CEP44: variants seen among roughly 807,000 people sequenced by gnomAD.
The protein encoded by CEP44 is centrosomal protein of 44 kDa.
Under a neutral mutation model 46.7 loss-of-function variants are expected in CEP44, and 45 were observed. The ratio of observed to expected loss-of-function variants is 0.96; its 90% confidence interval spans 0.76 to 1.24. The LOEUF (loss-of-function observed/expected upper bound fraction) is 1.24, where lower values mean the gene tolerates loss of function less well. Ranked by LOEUF, CEP44 falls within the 50% of genes most tolerant of loss-of-function variation. CEP44 has a pLI of 0.00. For missense variants in CEP44, 475 were observed against 459.7 expected (o/e 1.03, Z -0.30); for synonymous variants, 142 against 146.0 (o/e 0.97, Z 0.20).
Position 174,304,280 on chromosome 4 carries a change from G to C in CEP44, c.418G>C (p.Gly140Arg). ...ACAACAAAGAAAGAAAATCAGTTCTGGTAAGTCAGAACCTCCTTTGGGCAA... is the reference window on the plus strand; with the variant it reads ...ACAACAAAGAAAGAAAATCAGTTCTCGTAAGTCAGAACCTCCTTTGGGCAA... ...PSQQRKKISS[G>R]KSEPPLGNEK... is the part of the protein sequence containing the mutation. The change falls in exon 6 of 12, where the codon GGT (glycine) becomes CGT (arginine). Residue 140 changes from glycine to arginine, a missense_variant. Transcript: ENST00000503780. 6.2e-7 allele frequency: 1 copy of C among 1,605,640 alleles called. No homozygotes were observed. The highest frequency in any genetic ancestry group is 8.5e-7 in the Non-Finnish European group (1 of 1,177,742).
chr4:174,304,384 A>G lies in CEP44; in HGVS notation c.507+15A>G. On this transcript the variant is annotated intron_variant, in intron 6 of 11. Coordinates refer to ENST00000503780, the MANE Select transcript of CEP44 (RefSeq NM_001040157.3). ...CCTCAGGAAAGGTATGCAACCACAA[A>G]GAAAATATCATATTGTTTAAGAGTT... 1.2e-6 allele frequency: 2 copies of G among 1,602,138 alleles called. No individual in the cohort carries two copies. The highest frequency in any genetic ancestry group is 1.7e-6 in the Non-Finnish European group (2 of 1,176,974).
rs1042018663 is a variant in CEP44 at position 174,311,240 on chromosome 4, G to A, written c.961+382G>A. Among the ~76,000 whole-genome samples the A allele has an allele frequency of 4.6e-5, 7 of 151,968 alleles. No homozygotes were observed. Among genetic ancestry groups the A allele is most frequent in the African/African-American group, 1.7e-4 (7 of 41,420 alleles). ...GTAAGAGAAGAAAACACATTTGTCA[G>A]TATCTATAAAGTATTGCAAACTTCT... On this transcript the variant is annotated intron_variant, in intron 9 of 11. Transcript: ENST00000503780. The surrounding 1 kb of genome is among the most constrained non-coding windows in gnomAD (Gnocchi z 4.4).
At chr4:174,324,251 C>A (rs779857081), downstream of CEP44, among the ~76,000 whole-genome samples, 4 of 152,038 alleles carry the variant, frequency 2.6e-5, no homozygotes, top group Non-Finnish European at 5.9e-5. Context: ...TTTATATGGC[C>A]AATGAATATT....
intron 4 of CEP44, 30 bp downstream of exon 4, chr4:174,302,216 T>A: frequency 7.0e-7 from 1 of 1,426,292 alleles, no homozygotes; most frequent in Non-Finnish European, 9.7e-7. Context: ...CAATAACTAT[T>A]AGTTATTGAA....
intron 2 of CEP44, among the ~76,000 whole-genome samples, chr4:174,298,839 G>A (rs983830144): frequency 5.9e-5 from 9 of 152,098 alleles, no homozygotes; most frequent in African/African-American, 1.7e-4. Flanking sequence ...TGAATATAAG[G>A]CAAACTTATT....
chr4:174,304,181 G>C, intron 5 of CEP44, 66 bp from the exon 6 acceptor site: 3 of 1,477,392 alleles, frequency 2.0e-6, no homozygotes, highest in Non-Finnish European at 2.7e-6. Flanking sequence ...AATGTTAATG[G>C]AATTTTAATA....
chr4:174,327,431 T>TC (rs988175023), intron 8 of CEP44, among the ~76,000 whole-genome samples: 6 of 151,742 alleles, frequency 4.0e-5, no homozygotes, highest in African/African-American at 7.3e-5. Flanking sequence ...CAGTTTTTTT[T>TC]CCCCCAGAGT....
chr4:174,297,786 A>C lies in CEP44; in HGVS notation c.-147-180A>C, dbSNP rs1739229266. On this transcript the variant is annotated intron_variant, in intron 1 of 11. Coordinates refer to ENST00000503780, the MANE Select transcript of CEP44 (RefSeq NM_001040157.3). The surrounding 1 kb of genome is among the most constrained non-coding windows in gnomAD (Gnocchi z 4.3). ...TGCCTCCTTGATTCAATTTCTTTGG[A>C]GTGTAAAGCTCTTTTCTCTTTCCAG... Among the ~76,000 whole-genome samples, 1 of 151,822 alleles carries C rather than the reference A, an allele frequency of 6.6e-6. No individual in the cohort carries two copies. The highest frequency in any genetic ancestry group is 1.5e-5 in the Non-Finnish European group (1 of 67,984).
chr4:174,314,440 C>T lies in CEP44; in HGVS notation c.962-1726C>T, dbSNP rs1181920536. Among the ~76,000 whole-genome samples the T allele has an allele frequency of 6.6e-6, 1 of 152,108 alleles. No homozygotes were observed. Among genetic ancestry groups the T allele is most frequent in the East Asian group, 1.9e-4 (1 of 5,194 alleles). On this transcript the variant is annotated intron_variant, in intron 9 of 11. Coordinates refer to ENST00000503780, the MANE Select transcript of CEP44 (RefSeq NM_001040157.3). The surrounding 1 kb of genome is among the most constrained non-coding windows in gnomAD (Gnocchi z 4.1). ...ATATAGCTGGTGTTCTGTAATGGTC[C>T]ACTCTGTAGCCTCTGGAATCCTCTG...
rs761616449 is a variant in CEP44, at chr4:174,319,315, G to GT, written c.*1933dup. On this transcript the variant is annotated 3_prime_UTR_variant, in exon 12 of 12. Transcript: ENST00000503780. ...TATAGTTATAAGGGAAAAAACTTCTGTATCGATTAACTCCTAAAATATCAG... is the reference window on the plus strand; with the variant it reads ...TATAGTTATAAGGGAAAAAACTTCTGTTATCGATTAACTCCTAAAATATCAG... 3.1e-5 allele frequency: 30 copies of GT among 980,878 alleles called. No homozygotes were observed. The highest frequency in any genetic ancestry group is 3.6e-5 in the Non-Finnish European group (30 of 825,962). The allele number at this position is 980,878 out of a possible 1,614,324, so 60.8% of individuals were successfully genotyped here. A position where few individuals can be genotyped will look rare whatever the true frequency, so the allele number is the denominator to read the frequency against.
Position 174,319,106 on chromosome 4 carries a change from C to T in CEP44, c.*1723C>T. ...TCCATGGGTGAGTCACCATGCTTGG[C>T]CACATTTTTAGTATTCTAATAAACA... On this transcript the variant is annotated 3_prime_UTR_variant, in exon 12 of 12. Transcript: ENST00000503780. 2 of 983,508 alleles carry T rather than the reference C, an allele frequency of 2.0e-6. No individual in the cohort carries two copies. The highest frequency in any genetic ancestry group is 1.1e-4 in the East Asian group (1 of 8,814). 60.9% of individuals were successfully genotyped at this position (983,508 alleles called of 1,614,324 possible). A position where few individuals can be genotyped will look rare whatever the true frequency, so the allele number is the denominator to read the frequency against.
In CEP44 at chr4:174,318,898, C is replaced by T. The variant is rs1326070901; in HGVS notation, c.*1515C>T. The T allele has an allele frequency of 3.4e-6, 1 of 290,784 alleles. No homozygotes were observed. 18.0% of individuals were successfully genotyped at this position (290,784 alleles called of 1,614,324 possible). A position where few individuals can be genotyped will look rare whatever the true frequency, so the allele number is the denominator to read the frequency against. ...GATCTCGGCTCACTGCACCTTCTGC[C>T]TACCGAGTTCAAGCGATTCTTGTGC... On this transcript the variant is annotated 3_prime_UTR_variant, in exon 12 of 12. Transcript: ENST00000503780.
At chr4:174,298,326 C>T (rs902637944) in intron 2 of CEP44, among the ~76,000 whole-genome samples, 18 of 151,232 alleles carry the variant, frequency 1.2e-4, no homozygotes, top group African/African-American at 4.4e-4. Context: ...CAGGCGCCTG[C>T]CACTACGCCC....
chr4:174,303,979 G>C (rs1740065760), intron 5 of CEP44, 130 bp downstream of exon 5: 1 of 738,722 alleles, frequency 1.4e-6, no homozygotes, highest in Admixed American at 3.5e-5. Context: ...TCAAAGATTT[G>C]AGTAACCTTA....
At position 174,310,016 on chromosome 4, in the gene CEP44, G is replaced by C; in HGVS notation, c.845G>C (p.Arg282Pro). 1 of 1,612,392 alleles carries C rather than the reference G, an allele frequency of 6.2e-7. No individual in the cohort carries two copies. The highest frequency in any genetic ancestry group is 8.5e-7 in the Non-Finnish European group (1 of 1,179,016). Reference sequence around the variant, plus strand: ...AACACCTGGACTAATCTTCTTAGTCGTGTCACTCTTCTTGAAACAGAAATG... The same window carrying C: ...AACACCTGGACTAATCTTCTTAGTCCTGTCACTCTTCTTGAAACAGAAATG... Reference protein sequence around the residue: ...DENTWTNLLSRVTLLETEMLL... With the variant: ...DENTWTNLLSPVTLLETEMLL... The change falls in exon 8 of 12, where the codon CGT (arginine) becomes CCT (proline). Residue 282 changes from arginine to proline, a missense_variant. Physicochemically the swap from Arg to Pro is moderately radical, Grantham distance 103 (BLOSUM62 -2). Coordinates refer to ENST00000503780, the MANE Select transcript of CEP44 (RefSeq NM_001040157.3). This position sits in a 1 kb window ranked among gnomAD's most constrained non-coding sequence, Gnocchi z 4.2.
chr4:174,333,367 AAT>A (rs1192226323), exon 9 of CEP44: 1 of 150,592 alleles, frequency 6.6e-6, no homozygotes, highest in East Asian at 1.9e-4. Context: ...TCTGAAAATA[AAT>A]ATGTCAGCAG....
At chr4:174,291,509 C>T (rs1738193853) in intron 1 of CEP44, among the ~76,000 whole-genome samples, 1 of 151,924 alleles carries the variant, frequency 6.6e-6, no homozygotes, top group South Asian at 2.1e-4. Flanking sequence ...GTTACTCATA[C>T]TATTTTTGTC....
chr4:174,313,855 T>C (rs2126652784), intron 9 of CEP44, among the ~76,000 whole-genome samples: 1 of 152,190 alleles, frequency 6.6e-6, no homozygotes, highest in African/African-American at 2.4e-5. Context: ...TACTCTTTAA[T>C]AAAATAAAAA....
intron 4 of CEP44, 78 bp downstream of exon 4, chr4:174,302,264 A>C: frequency 2.3e-6 from 2 of 861,586 alleles, no homozygotes; most frequent in Middle Eastern, 2.8e-4. Context: ...ATAACTTCTT[A>C]AATATATGCA....
Sources: gnomAD v4.1 joint callset for allele counts (sites outside exome capture counted in the v4.1 genomes callset) on GRCh38, gnomAD v4.1.1 for gene constraint, Gnocchi (gnomAD v3.1) non-coding constraint, MANE v1.5 for transcripts, NCBI Gene and HGNC (gene_info 2026-07-23, HGNC 2026-07-21) for gene names.